The following SENP7 variants were observed in gnomAD, a reference collection of about 807,000 sequenced individuals.
The protein encoded by SENP7 is sentrin-specific protease 7.
Under a neutral mutation model 141.2 loss-of-function variants are expected in SENP7, and 64 were observed. The observed-to-expected ratio is 0.45, with a 90% confidence interval of 0.37 to 0.56. SENP7 has a LOEUF of 0.56. SENP7 is among the 20% of genes least tolerant of loss of function. The pLI is 0.00. For missense variants in SENP7, 1,025 were observed against 1,212.2 expected, an observed-to-expected ratio of 0.85 and a Z score of 2.29; for synonymous variants, 382 against 426.4, an observed-to-expected ratio of 0.90 and a Z score of 1.28.
chr3:101,372,285 G>T (rs2060203691), intron 6 of SENP7, among the ~76,000 whole-genome samples, 159 bp from the exon 7 acceptor site: 1 of 152,090 alleles, frequency 6.6e-6, no homozygotes, highest in Non-Finnish European at 1.5e-5. Flanking sequence ...TCAGATTTAA[G>T]AAATAAGTTA....
chr3:101,378,006 C>G (rs1310926554), intron 6 of SENP7, among the ~76,000 whole-genome samples: 1 of 152,058 alleles, frequency 6.6e-6, no homozygotes, highest in Non-Finnish European at 1.5e-5. Context: ...GCCTAGCGTT[C>G]CAGTAATAGA....
chr3:101,327,592 G>T, intron 23 of SENP7, 74 bp downstream of exon 23: 3 of 1,136,544 alleles, frequency 2.6e-6, no homozygotes, highest in Non-Finnish European at 2.5e-6. Flanking sequence ...CATGAGAACG[G>T]ACTATTACAC....
At chr3:101,479,364 C>T (rs2108019347) in intron 3 of SENP7, among the ~76,000 whole-genome samples, 1 of 152,216 alleles carries the variant, frequency 6.6e-6, no homozygotes, top group Admixed American at 6.5e-5. Context: ...CCTGCTGTTC[C>T]AGCACTTTGG....
upstream of SENP7, chr3:101,513,212 G>GAAAAAAAAA (rs1254138448): frequency 1.4e-4 from 19 of 136,018 alleles, 3 homozygotes; most frequent in Admixed American, 3.8e-4. Context: ...GGAGGGGAAA[G>GAAAAAAAAA]GAAAAAAAAA....
At position 101,442,436 on chromosome 3, in the gene SENP7, T is replaced by C. The variant is rs2062714000; in HGVS notation, c.284+16519A>G. On this transcript the variant is annotated intron_variant, in intron 4 of 23. Coordinates refer to ENST00000394095, the MANE Select transcript of SENP7 (RefSeq NM_020654.5). The stretch of plus-strand genomic sequence containing the variant: ...CATGCACAGTTCACAATAGGGTTCA[T>C]GCTCCTGTGAGAATCTAATGCTCCC... Among the ~76,000 whole-genome samples, 3 of 152,156 alleles carry C rather than the reference T, an allele frequency of 2.0e-5. No homozygotes were observed. The South Asian group carries it at 6.2e-4, about 32-fold the overall frequency.
chr3:101,335,546 AC>A (rs1463219061), intron 17 of SENP7, among the ~76,000 whole-genome samples: 1 of 152,062 alleles, frequency 6.6e-6, no homozygotes, highest in Non-Finnish European at 1.5e-5. Flanking sequence ...TATGCATCTT[AC>A]CCTAGAGGAT....
At chr3:101,461,592 A>C (rs2063548745) in intron 3 of SENP7, among the ~76,000 whole-genome samples, 1 of 151,778 alleles carries the variant, frequency 6.6e-6, no homozygotes, top group South Asian at 2.1e-4. Flanking sequence ...AGGTACCGTA[A>C]GAAAAAAAAA....
At chr3:101,350,887 C>A (rs2059595834) in intron 12 of SENP7, among the ~76,000 whole-genome samples, 1 of 151,870 alleles carries the variant, frequency 6.6e-6, no homozygotes, top group Non-Finnish European at 1.5e-5. Context: ...ATACAGTAAG[C>A]AATCAAATTA....
chr3:101,330,627 G>C (rs189661380), intron 19 of SENP7, among the ~76,000 whole-genome samples: 262 of 152,252 alleles, frequency 1.7e-3, no homozygotes, highest in Non-Finnish European at 3.2e-3. Context: ...ATACCAGTTA[G>C]CTAGGCAAAT....
intron 4 of SENP7, among the ~76,000 whole-genome samples, chr3:101,429,432 G>A (rs2062079407): frequency 6.6e-6 from 1 of 152,062 alleles, no homozygotes; most frequent in Non-Finnish European, 1.5e-5. Context: ...TGGATTCCTA[G>A]GTATTTTATT....
rs553335514 is a variant in SENP7 at position 101,470,264 on chromosome 3, C to A, written c.187-11212G>T. On this transcript the variant is annotated intron_variant, in intron 3 of 23. Transcript: ENST00000394095. Reference sequence around the variant, plus strand: ...AAGGAGATAGAGACACAAGGAGATTCGGCAAACCGAATCCAGCAGCACATC... The same window carrying A: ...AAGGAGATAGAGACACAAGGAGATTAGGCAAACCGAATCCAGCAGCACATC... 4.0e-5 allele frequency among the ~76,000 whole-genome samples: 6 copies of A among 151,738 alleles called. No homozygotes were observed. The South Asian group carries it at 8.3e-4, about 21-fold the overall frequency.
At chr3:101,380,704 ATAG>A (rs2060478506) in intron 6 of SENP7, among the ~76,000 whole-genome samples, 1 of 151,960 alleles carries the variant, frequency 6.6e-6, no homozygotes, top group Non-Finnish European at 1.5e-5. Context: ...ATAAAGAAAA[ATAG>A]TAGTATAAAA....
At chr3:101,462,474 G>A (rs905683138) in intron 3 of SENP7, among the ~76,000 whole-genome samples, 1 of 151,780 alleles carries the variant, frequency 6.6e-6, no homozygotes, top group Non-Finnish European at 1.5e-5. Flanking sequence ...CCAGGAGGTG[G>A]AGGCTGGGGT....
chr3:101,341,081 T>G (rs950556893), intron 15 of SENP7, among the ~76,000 whole-genome samples: 10 of 152,232 alleles, frequency 6.6e-5, no homozygotes, highest in Non-Finnish European at 1.5e-4. Flanking sequence ...TATGATAGTT[T>G]CTACCTTATT....
intron 4 of SENP7, among the ~76,000 whole-genome samples, chr3:101,451,788 T>C (rs2063146510): frequency 6.6e-6 from 1 of 152,198 alleles, no homozygotes; most frequent in Non-Finnish European, 1.5e-5. Context: ...AAGCATTCCC[T>C]TTGAAAACTG....
intron 3 of SENP7, among the ~76,000 whole-genome samples, chr3:101,493,627 CAAT>C (rs10576072): frequency 0.4 from 59,799 of 151,318 alleles, 12,231 homozygotes; most frequent in Admixed American, 0.53. Flanking sequence ...ATTTATTTTA[CAAT>C]AATAAGATTT....
chr3:101,463,818 A>G (rs942078319), intron 3 of SENP7, among the ~76,000 whole-genome samples: 3 of 152,020 alleles, frequency 2.0e-5, no homozygotes, highest in Non-Finnish European at 4.4e-5. Context: ...TTACGTATTT[A>G]TTCATTCATT....
intron 3 of SENP7, among the ~76,000 whole-genome samples, chr3:101,470,277 C>G (rs1438026299): frequency 6.6e-6 from 1 of 152,146 alleles, no homozygotes; most frequent in Non-Finnish European, 1.5e-5. Context: ...CAAACCGAAT[C>G]CAGCAGCACA....
At position 101,398,697 on chromosome 3, in the gene SENP7, C is replaced by G. The variant is rs181515520; in HGVS notation, c.677+164G>C. ...TCTGAAACACATTATTAGCCATGGA[C>G]TGTTGGTTCCAATAGCCATTCCAGC... On this transcript the variant is annotated intron_variant, in intron 6 of 23. Transcript: ENST00000394095. Among the ~76,000 whole-genome samples, 6 of 152,272 alleles carry G rather than the reference C, an allele frequency of 3.9e-5. No homozygotes were observed. The East Asian group carries it at 1.2e-3, about 29-fold the overall frequency.
Sources: gnomAD v4.1 joint callset for allele counts (sites outside exome capture counted in the v4.1 genomes callset) on GRCh38, gnomAD v4.1.1 for gene constraint, MANE v1.5 for transcripts, NCBI Gene and HGNC (gene_info 2026-07-23, HGNC 2026-07-21) for gene names.